Variants in KAT7 observed in about 807,000 individuals in gnomAD.
The protein encoded by KAT7 is histone acetyltransferase KAT7.
KAT7 carries 10 observed loss-of-function variants against 82.1 expected under a neutral mutation model. The ratio of observed to expected loss-of-function variants is 0.12; its 90% CI spans 0.08 to 0.21. The LOEUF is 0.21. Among genes scored for constraint, KAT7 ranks in the 10% least tolerant of loss-of-function variants. The pLI is 1.00. For synonymous variants in KAT7, 250 were observed against 262.5 expected, an observed-to-expected ratio of 0.95 and a Z score of 0.46; for missense variants, 378 against 760.9, an observed-to-expected ratio of 0.50 and a Z score of 5.92.
chr17:49,800,779 G>A (rs1273431190), intron 4 of KAT7, among the ~76,000 whole-genome samples: 1 of 152,126 alleles, frequency 6.6e-6, no homozygotes, highest in Admixed American at 6.5e-5. Flanking sequence ...ATATCAACTG[G>A]AGATAAATGC....
chr17:49,795,045 C>T (rs1202314507), intron 2 of KAT7, among the ~76,000 whole-genome samples: 1 of 151,100 alleles, frequency 6.6e-6, no homozygotes, highest in Non-Finnish European at 1.5e-5. Context: ...GGGGGTGCAG[C>T]CGTGAGAGAG....
chr17:49,802,055 G>A (rs953045800), intron 4 of KAT7, among the ~76,000 whole-genome samples: 2 of 152,038 alleles, frequency 1.3e-5, no homozygotes, highest in Non-Finnish European at 2.9e-5. Flanking sequence ...ACATTTGTTC[G>A]TTGTACATCT....
At chr17:49,794,815 C>T (rs1386742490) in intron 2 of KAT7, among the ~76,000 whole-genome samples, 1 of 152,208 alleles carries the variant, frequency 6.6e-6, no homozygotes, top group Non-Finnish European at 1.5e-5. Flanking sequence ...CAGAGTTGCA[C>T]AACTCCAGGG....
chr17:49,798,091 G>C (rs1010655147), intron 3 of KAT7, among the ~76,000 whole-genome samples: 1 of 152,216 alleles, frequency 6.6e-6, no homozygotes, highest in Admixed American at 6.5e-5. Flanking sequence ...ATACAGATAG[G>C]TGTAATAGAT....
chr17:49,795,992 CAAAA>C, intron 2 of KAT7, among the ~76,000 whole-genome samples: 1 of 151,688 alleles, frequency 6.6e-6, no homozygotes, highest in Non-Finnish European at 1.5e-5. Flanking sequence ...AAAAAAAGCA[CAAAA>C]AAACTAAAAC....
chr17:49,816,237 G>T (rs2143948461), intron 8 of KAT7, among the ~76,000 whole-genome samples: 1 of 152,278 alleles, frequency 6.6e-6, no homozygotes, highest in Non-Finnish European at 1.5e-5. Context: ...AGAACCTGTA[G>T]CCTAGGAGAG....
At chr17:49,818,254 T>G (rs1253163666) in intron 9 of KAT7, among the ~76,000 whole-genome samples, 3 of 152,208 alleles carry the variant, frequency 2.0e-5, no homozygotes, top group Non-Finnish European at 4.4e-5. Flanking sequence ...GTACATCTTC[T>G]TGTCTTTTGT....
rs2074413717 is a variant in KAT7, at chr17:49,830,209, A to ATT, written c.*2707_*2708insTT. On this transcript the variant is annotated 3_prime_UTR_variant, in exon 15 of 15. Transcript: ENST00000259021. ...TTTTTTTTTTTTTTTTTTTTTTTTT[A>ATT]AAAAAAGACAGTCTCACTCTATCAT... The ATT allele has an allele frequency of 1.5e-5, 1 of 68,732 alleles. No individual in the cohort carries two copies. The highest frequency in any genetic ancestry group is 1.8e-4 in the Admixed American group (1 of 5,518). 4.3% of individuals were successfully genotyped at this position (68,732 alleles called of 1,614,324 possible).
intron 8 of KAT7, among the ~76,000 whole-genome samples, chr17:49,816,692 C>G (rs1034153066): frequency 2.0e-5 from 3 of 152,236 alleles, no homozygotes; most frequent in East Asian, 1.9e-4. Context: ...TGCTGGTTTT[C>G]TCTATCCTAT....
chr17:49,789,071 G>T, intron 1 of KAT7: 1 of 412,574 alleles, frequency 2.4e-6, no homozygotes. Flanking sequence ...GCCTGGATCG[G>T]AGGCGTTCTT....
chr17:49,791,575 T>C (rs1240163140), intron 1 of KAT7, among the ~76,000 whole-genome samples: 2 of 152,180 alleles, frequency 1.3e-5, no homozygotes, highest in African/African-American at 4.8e-5. Context: ...GGAGAATCAC[T>C]TGAACCCGGG....
In KAT7 at chr17:49,817,939, G is replaced by A. The variant is rs1257126906; in HGVS notation, c.1083G>A (p.Arg361=). The A allele has an allele frequency of 1.9e-6, 3 of 1,613,586 alleles. No individual in the cohort carries two copies. The Admixed American group carries it at 5.0e-5, about 27-fold the overall frequency. ...CTCCATATCCTGAAGAATATGCACG[G>A]CTGGGACGTCTCTATATGTGTGAAT... The part of the protein sequence containing the change: ...YHSPYPEEYA[R]LGRLYMCEFC... The change falls in exon 9 of 15, where the codon CGG becomes CGA. Residue 361 remains arginine (R), a synonymous_variant. Coordinates refer to ENST00000259021, the MANE Select transcript of KAT7 (RefSeq NM_007067.5).
At position 49,829,472 on chromosome 17, in the gene KAT7, A is replaced by G. The variant is rs1165622638; in HGVS notation, c.*1970A>G. 2.0e-5 allele frequency: 3 copies of G among 152,222 alleles called. No homozygotes were observed. Among genetic ancestry groups the G allele is most frequent in the Admixed American group, 2.0e-4 (3 of 15,282 alleles). 9.4% of individuals were successfully genotyped at this position (152,222 alleles called of 1,614,324 possible). ...CAGTTGATGCCTGTAGGAGATGGGAACAGACATTCCTTCTCATCTCCAAGC... is the reference window on the plus strand; with the variant it reads ...CAGTTGATGCCTGTAGGAGATGGGAGCAGACATTCCTTCTCATCTCCAAGC... On this transcript the variant is annotated 3_prime_UTR_variant, in exon 15 of 15. Coordinates refer to ENST00000259021, the MANE Select transcript of KAT7 (RefSeq NM_007067.5).
intron 2 of KAT7, among the ~76,000 whole-genome samples, chr17:49,793,139 C>T (rs2073911542): frequency 6.6e-6 from 1 of 152,156 alleles, no homozygotes; most frequent in South Asian, 2.1e-4. Context: ...ACTTATAATA[C>T]TTTCAACTTA....
At chr17:49,826,614 G>T in intron 13 of KAT7, 79 bp from the exon 14 acceptor site, 1 of 876,108 alleles carries the variant, frequency 1.1e-6, no homozygotes, top group East Asian at 2.4e-5. Context: ...TTTCCTTTAA[G>T]GGAAAGTAGA....
At chr17:49,810,143 G>T (rs2074143625) in intron 6 of KAT7, among the ~76,000 whole-genome samples, 1 of 152,212 alleles carries the variant, frequency 6.6e-6, no homozygotes, top group African/African-American at 2.4e-5. Context: ...CCTGGCAGGG[G>T]AGTCAGCTAA....
chr17:49,793,808 T>C lies in KAT7; in HGVS notation c.163+1775T>C, dbSNP rs1300431534. Reference sequence around the variant, plus strand: ...GGATAGTCTCAATCTCTTGACCTCATGGTCTGCCTGCCTTGGCCTCCCAAA... The same window carrying C: ...GGATAGTCTCAATCTCTTGACCTCACGGTCTGCCTGCCTTGGCCTCCCAAA... On this transcript the variant is annotated intron_variant, in intron 2 of 14. Transcript: ENST00000259021. Among the ~76,000 whole-genome samples, 4 of 152,032 alleles carry C rather than the reference T, an allele frequency of 2.6e-5. 1 individual carries two copies. Among genetic ancestry groups the C allele is most frequent in the Admixed American group, 2.6e-4 (4 of 15,260 alleles).
chr17:49,797,067 T>A (rs2073965966), intron 3 of KAT7, 141 bp downstream of exon 3: 10 of 149,810 alleles, frequency 6.7e-5, no homozygotes, highest in South Asian at 3.7e-4. Flanking sequence ...TTCTTATGTC[T>A]TTTTTTTTTT....
chr17:49,805,790 T>C, intron 5 of KAT7, among the ~76,000 whole-genome samples: 1 of 152,212 alleles, frequency 6.6e-6, no homozygotes, highest in East Asian at 1.9e-4. Flanking sequence ...ATATGTGATC[T>C]TAATATTTAT....
Sources: allele counts gnomAD v4.1 joint callset (sites outside exome capture counted in the v4.1 genomes callset), GRCh38; gene constraint gnomAD v4.1.1; transcripts MANE v1.5; gene names NCBI Gene and HGNC (gene_info 2026-07-23, HGNC 2026-07-21).